BARD1: variants seen among roughly 807,000 people sequenced by gnomAD.
BARD1 encodes the protein BRCA1-associated RING domain protein 1.
BARD1 carries 73 observed loss-of-function variants against 77.0 expected under a neutral mutation model. The observed-to-expected ratio is 0.95, with a 90% CI of 0.79 to 1.15. The LOEUF (loss-of-function observed/expected upper bound fraction) is 1.15, where lower values mean the gene tolerates loss of function less well. BARD1 is among the 50% of genes most tolerant of loss of function. The pLI, the probability that BARD1 is intolerant of heterozygous loss-of-function variation, is 0.00. For missense variants in BARD1, 993 were observed against 938.8 expected, an observed-to-expected ratio of 1.06 and a Z score of -0.75; for synonymous variants, 384 against 338.0, an observed-to-expected ratio of 1.14 and a Z score of -1.49.
chr2:214,782,159 G>A (rs536255193), intron 3 of BARD1, among the ~76,000 whole-genome samples: 2 of 152,236 alleles, frequency 1.3e-5, no homozygotes, highest in Admixed American at 1.3e-4. Flanking sequence ...GACCCTTTAG[G>A]TATCATCTAA....
chr2:214,760,459 T>G (rs918112168), intron 6 of BARD1, among the ~76,000 whole-genome samples: 3 of 152,018 alleles, frequency 2.0e-5, no homozygotes, highest in Non-Finnish European at 2.9e-5. Flanking sequence ...TCCCAAAGTG[T>G]TGGGATTACA....
intron 6 of BARD1, among the ~76,000 whole-genome samples, chr2:214,767,018 CTTT>C (rs1256425989): frequency 6.6e-6 from 1 of 152,040 alleles, no homozygotes; most frequent in Non-Finnish European, 1.5e-5. Flanking sequence ...TTGTTCCCTT[CTTT>C]GTGTTCATGA....
intron 3 of BARD1, among the ~76,000 whole-genome samples, chr2:214,790,694 A>G (rs1460247722): frequency 6.6e-6 from 1 of 152,212 alleles, no homozygotes; most frequent in Non-Finnish European, 1.5e-5. Flanking sequence ...TCAAAATATC[A>G]TCATAGCCAC....
chr2:214,798,214 C>T (rs1300670971), intron 1 of BARD1, among the ~76,000 whole-genome samples: 1 of 150,592 alleles, frequency 6.6e-6, no homozygotes, highest in Non-Finnish European at 1.5e-5. Flanking sequence ...AGAAAGATTG[C>T]GAAAAACAGT....
chr2:214,800,017 T>A (rs1224220470), intron 1 of BARD1, among the ~76,000 whole-genome samples: 4 of 152,228 alleles, frequency 2.6e-5, no homozygotes, highest in Non-Finnish European at 5.9e-5. Context: ...CTGCTTTTCC[T>A]ACCTCTCCAT....
rs1489595849 is a variant in BARD1, at chr2:214,801,772, C to T, written c.159-4655G>A. ...AAATTAATATGACTTAAAAGATGTA[C>T]AAAATGCTCTAAAGTTACAAAGAAG... On this transcript the variant is annotated intron_variant, in intron 1 of 10. Transcript: ENST00000260947. Among the ~76,000 whole-genome samples, 3 of 137,678 alleles carry T rather than the reference C, an allele frequency of 2.2e-5. No homozygotes were observed. The East Asian group carries it at 6.9e-4, about 32-fold the overall frequency. The allele number at this position is 137,678 out of a possible 152,430, so 90.3% of individuals were successfully genotyped here.
chr2:214,737,612 A>T (rs1692624176), intron 9 of BARD1, among the ~76,000 whole-genome samples: 1 of 152,108 alleles, frequency 6.6e-6, no homozygotes, highest in African/African-American at 2.4e-5. Context: ...AGACAAATCA[A>T]TTGAGTTGAT....
chr2:214,751,138 TA>T (rs1693414813), intron 7 of BARD1, among the ~76,000 whole-genome samples: 6 of 44,142 alleles, frequency 1.4e-4, no homozygotes, highest in African/African-American at 2.0e-4. Context: ...TATATATATA[TA>T]TATATATATA....
At chr2:214,781,624 C>A in intron 3 of BARD1, 115 bp from the exon 4 acceptor site, 1 of 777,650 alleles carries the variant, frequency 1.3e-6, no homozygotes. Flanking sequence ...TAATTATGTA[C>A]TTCTTTCTCA....
At chr2:214,805,170 A>G (rs1227604775) in intron 1 of BARD1, among the ~76,000 whole-genome samples, 1 of 152,162 alleles carries the variant, frequency 6.6e-6, no homozygotes, top group Non-Finnish European at 1.5e-5. Context: ...CAGAAAAAAG[A>G]AAATCTATTC....
chr2:214,758,670 T>C (rs1251215859), intron 6 of BARD1, among the ~76,000 whole-genome samples: 1 of 152,232 alleles, frequency 6.6e-6, no homozygotes, highest in Non-Finnish European at 1.5e-5. Flanking sequence ...GGAATCCTTC[T>C]GATCCTGAAG....
intron 4 of BARD1, among the ~76,000 whole-genome samples, chr2:214,775,095 T>TTCTCA (rs1200148205): frequency 6.6e-6 from 1 of 152,212 alleles, no homozygotes; most frequent in Non-Finnish European, 1.5e-5. Flanking sequence ...TTATGCTTTC[T>TTCTCA]TCTCATCTCA....
chr2:214,728,040 C>A lies in BARD1; in HGVS notation c.*636G>T, dbSNP rs1692155491. 2 of 224,584 alleles carry A rather than the reference C, an allele frequency of 8.9e-6. No individual in the cohort carries two copies. The highest frequency in any genetic ancestry group is 1.8e-5 in the Non-Finnish European group (2 of 112,886). The allele number at this position is 224,584 out of a possible 1,614,324, so 13.9% of individuals were successfully genotyped here. ...ATGAGCCTAGTGTTGATTTTTACCA[C>A]ACACACAAAAAAACCAATGTTAATG... On this transcript the variant is annotated 3_prime_UTR_variant, in exon 11 of 11. Transcript: ENST00000260947.
intron 3 of BARD1, among the ~76,000 whole-genome samples, chr2:214,784,087 T>C (rs1437617983): frequency 6.6e-6 from 1 of 152,026 alleles, no homozygotes; most frequent in Non-Finnish European, 1.5e-5. Flanking sequence ...ATCATCAGAG[T>C]GAAGAGGCAA....
chr2:214,730,724 T>C (rs1692319276), intron 9 of BARD1, among the ~76,000 whole-genome samples: 1 of 152,184 alleles, frequency 6.6e-6, no homozygotes, highest in Admixed American at 6.5e-5. Context: ...ACTCTTTCTT[T>C]GGAGGATTAA....
chr2:214,760,639 C>T (rs1693912294), intron 6 of BARD1, among the ~76,000 whole-genome samples: 1 of 152,162 alleles, frequency 6.6e-6, no homozygotes, highest in Non-Finnish European at 1.5e-5. Context: ...TCTCCTAGGG[C>T]TGCATTACAA....
In BARD1 at chr2:214,726,061, C is replaced by A. The variant is rs1432354705; in HGVS notation, c.*2615G>T. The A allele has an allele frequency of 4.6e-6, 1 of 217,450 alleles. No homozygotes were observed. Among genetic ancestry groups the A allele is most frequent in the Non-Finnish European group, 9.2e-6 (1 of 108,858 alleles). 13.5% of individuals were successfully genotyped at this position (217,450 alleles called of 1,614,324 possible). On this transcript the variant is annotated 3_prime_UTR_variant, in exon 11 of 11. Coordinates refer to ENST00000260947, the MANE Select transcript of BARD1 (RefSeq NM_000465.4). Reference sequence around the variant, plus strand: ...GCAAAAAAAAAAAAAGGTGGGGGGACCGATGAAATAAAGGAAAAATTCTAT... The same window carrying A: ...GCAAAAAAAAAAAAAGGTGGGGGGAACGATGAAATAAAGGAAAAATTCTAT...
chr2:214,752,004 T>G (rs1693476912), intron 7 of BARD1, among the ~76,000 whole-genome samples: 1 of 152,204 alleles, frequency 6.6e-6, no homozygotes, highest in Non-Finnish European at 1.5e-5. Context: ...AATCAGTGCT[T>G]TAAGGCTCCA....
chr2:214,729,155 T>C, intron 10 of BARD1, 147 bp from the exon 11 acceptor site: 2 of 1,022,170 alleles, frequency 2.0e-6, no homozygotes, highest in Non-Finnish European at 1.4e-6. Flanking sequence ...CATAAATTTT[T>C]TGGGTTTTGG....
Sources: allele counts gnomAD v4.1 joint callset (sites outside exome capture counted in the v4.1 genomes callset), GRCh38; gene constraint gnomAD v4.1.1; transcripts MANE v1.5; gene names NCBI Gene and HGNC (gene_info 2026-07-23, HGNC 2026-07-21).